The following ZNF143 variants were observed in gnomAD, a reference collection of about 807,000 sequenced individuals.
ZNF143 encodes zinc finger protein 143.
A neutral mutation model predicts 74.1 loss-of-function variants in ZNF143; 49 were observed. That is an observed-to-expected ratio of 0.66 (90% CI 0.53 to 0.84). ZNF143 has a LOEUF of 0.84. ZNF143 is among the 40% of genes least tolerant of loss of function. The pLI, the probability that ZNF143 is intolerant of heterozygous loss-of-function variation, is 0.00. For synonymous variants in ZNF143, 304 were observed against 282.8 expected (o/e 1.07, Z -0.75); for missense variants, 637 against 793.4 (o/e 0.80, Z 2.37).
chr11:9,477,819 T>G (rs1389121173), intron 5 of ZNF143, among the ~76,000 whole-genome samples: 1 of 152,064 alleles, frequency 6.6e-6, no homozygotes, highest in African/African-American at 2.4e-5. Context: ...TTTCTTTGTT[T>G]GTTTTTGTTT....
intron 14 of ZNF143, among the ~76,000 whole-genome samples, chr11:9,516,627 G>A (rs1005362663): frequency 6.6e-6 from 1 of 152,156 alleles, no homozygotes; most frequent in African/African-American, 2.4e-5. Flanking sequence ...TAAGTGTTCA[G>A]TAGTGGTAGC....
intron 7 of ZNF143, among the ~76,000 whole-genome samples, chr11:9,494,123 G>C (rs1847877901): frequency 6.6e-6 from 1 of 152,126 alleles, no homozygotes; most frequent in Non-Finnish European, 1.5e-5. Context: ...GTATTTCTGT[G>C]ACTGTCCTTT....
intron 7 of ZNF143, among the ~76,000 whole-genome samples, chr11:9,489,111 G>C (rs1847672963): frequency 6.6e-6 from 1 of 152,092 alleles, no homozygotes; most frequent in South Asian, 2.1e-4. Flanking sequence ...TGCTATTTTT[G>C]TAGTTTTCTT....
intron 7 of ZNF143, among the ~76,000 whole-genome samples, chr11:9,492,105 A>ATTTTTTTTT (rs34432476): frequency 1.0e-5 from 1 of 100,238 alleles, no homozygotes; most frequent in Non-Finnish European, 1.9e-5. Flanking sequence ...CACCTGGCTA[A>ATTTTTTTTT]TTTTTTTTTT....
At chr11:9,522,044 C>T (rs1278579338) in intron 14 of ZNF143, among the ~76,000 whole-genome samples, 3 of 129,604 alleles carry the variant, frequency 2.3e-5, no homozygotes, top group South Asian at 4.7e-4. Context: ...ACAGCCTGGG[C>T]GACAGAGGGA....
intron 1 of ZNF143, among the ~76,000 whole-genome samples, chr11:9,469,543 A>G (rs1314035019): frequency 1.3e-5 from 2 of 151,632 alleles, no homozygotes; most frequent in East Asian, 3.9e-4. Flanking sequence ...ACAGGTCTTA[A>G]CAGTAGGGTA....
chr11:9,494,433 A>G (rs1443231366), intron 7 of ZNF143, among the ~76,000 whole-genome samples: 2 of 151,956 alleles, frequency 1.3e-5, no homozygotes, highest in East Asian at 3.9e-4. Flanking sequence ...CAGCTTCCCA[A>G]GTACCTGGGA....
chr11:9,509,571 A>C (rs1848470119), intron 12 of ZNF143, among the ~76,000 whole-genome samples: 5 of 152,372 alleles, frequency 3.3e-5, no homozygotes. Flanking sequence ...AGTACCTCCT[A>C]AATGAAGTAA....
At position 9,461,445 on chromosome 11, in the gene ZNF143, G is replaced by C. The variant is rs370097910; in HGVS notation, c.-8+369G>C. Among the ~76,000 whole-genome samples the C allele has an allele frequency of 2.0e-4, 31 of 152,262 alleles. No homozygotes were observed. The East Asian group carries it at 3.1e-3, about 15-fold the overall frequency. On this transcript the variant is annotated intron_variant, in intron 1 of 15. Coordinates refer to ENST00000396602, the MANE Select transcript of ZNF143 (RefSeq NM_003442.6). ...CCGCGTTTCTCGGCCTGACCTCCGC[G>C]CAGAGCGAGTCCCCAGGCGCCGCCG...
Position 9,486,439 on chromosome 11 carries a change from AATATAT to A in ZNF143, c.645+6894_645+6899del, listed in dbSNP as rs1399889241. Among the ~76,000 whole-genome samples, 25 of 23,134 alleles carry A rather than the reference AATATAT, an allele frequency of 1.1e-3. 1 individual carries two copies. The highest frequency in any genetic ancestry group is 2.1e-3 in the Non-Finnish European group (25 of 12,140). The allele number at this position is 23,134 out of a possible 152,430, so 15.2% of individuals were successfully genotyped here. ...TATATATTATATATATTATATATAT[AATATAT>A]TATATATATTATATATATATAAAAG... is the stretch of plus-strand genomic sequence containing the variant. On this transcript the variant is annotated intron_variant, in intron 7 of 15. Coordinates refer to ENST00000396602, the MANE Select transcript of ZNF143 (RefSeq NM_003442.6).
chr11:9,494,623 G>A (rs2134046609), intron 7 of ZNF143, 23 bp from the exon 8 acceptor site: 1 of 1,608,746 alleles, frequency 6.2e-7, no homozygotes, highest in South Asian at 1.1e-5. Context: ...AGTAATTTAA[G>A]TAATACTATT....
chr11:9,485,348 T>C (rs1419323943), intron 7 of ZNF143, among the ~76,000 whole-genome samples: 1 of 85,548 alleles, frequency 1.2e-5, no homozygotes, highest in Admixed American at 1.1e-4. Context: ...TCTCTCTCTC[T>C]TTTTTTTTTT....
At position 9,525,247 on chromosome 11, in the gene ZNF143, T is replaced by C; in HGVS notation, c.1694T>C (p.Ile565Thr). ...AEGTEGEQVA[I>T]VAQDLAAFHT... ...TGTTTTGTTTTGCTTAAGGTTGCAA[T>C]TGTAGCTCAAGACTTGGCAGCATTC... The change falls in exon 15 of 16, where the codon ATT becomes ACT. Residue 565 changes from isoleucine to threonine, a missense_variant. By Grantham distance (89) the Ile-to-Thr change is moderately conservative. Around this residue, in one of 2 missense-constraint regions of ZNF143, gnomAD observed 344 missense variants for 485.6 expected, o/e 0.71. Transcript: ENST00000396602. 1 of 1,614,190 alleles carries C rather than the reference T, an allele frequency of 6.2e-7. No homozygotes were observed. The highest frequency in any genetic ancestry group is 1.1e-5 in the South Asian group (1 of 91,078).
intron 7 of ZNF143, among the ~76,000 whole-genome samples, chr11:9,491,890 A>C (rs750857685): frequency 6.6e-6 from 1 of 152,138 alleles, no homozygotes. Flanking sequence ...TTGGCCTCCA[A>C]AAGTGCTGGG....
At chr11:9,527,010 A>C (rs540622312) in intron 15 of ZNF143, among the ~76,000 whole-genome samples, 2 of 151,894 alleles carry the variant, frequency 1.3e-5, no homozygotes, top group Non-Finnish European at 2.9e-5. Context: ...TGTATTTTTT[A>C]GTAGAAATGA....
intron 7 of ZNF143, among the ~76,000 whole-genome samples, chr11:9,489,929 C>G (rs951594410): frequency 6.6e-6 from 1 of 152,122 alleles, no homozygotes; most frequent in African/African-American, 2.4e-5. Context: ...ACCTGTAATC[C>G]AAACACTTTG....
chr11:9,519,834 C>G (rs1256819738), intron 14 of ZNF143, among the ~76,000 whole-genome samples: 2 of 152,038 alleles, frequency 1.3e-5, no homozygotes, highest in Non-Finnish European at 2.9e-5. Context: ...TCATACACTC[C>G]CACTAGCAAT....
rs527548997 is a variant in ZNF143 at position 9,465,504 on chromosome 11, T to G, written c.-8+4428T>G. Among the ~76,000 whole-genome samples, 22 of 150,000 alleles carry G rather than the reference T, an allele frequency of 1.5e-4. No individual in the cohort carries two copies. In the South Asian group the frequency reaches 4.4e-3, roughly 30 times the overall value. On this transcript the variant is annotated intron_variant, in intron 1 of 15. Transcript: ENST00000396602. ...TGGCTGGTACTTTTATTTATTTATT[T>G]ATTTATTTTTTCTGAAATGGAGTCT...
chr11:9,499,300 G>T (rs1166152418), intron 10 of ZNF143, among the ~76,000 whole-genome samples: 1 of 152,054 alleles, frequency 6.6e-6, no homozygotes, highest in African/African-American at 2.4e-5. Flanking sequence ...AATTATCCTA[G>T]AACAGTTGAT....
Sources: gnomAD v4.1 joint callset for allele counts (sites outside exome capture counted in the v4.1 genomes callset) on GRCh38, gnomAD v4.1.1 for gene constraint, gnomAD v4.1.1 regional missense constraint, MANE v1.5 for transcripts, NCBI Gene and HGNC (gene_info 2026-07-23, HGNC 2026-07-21) for gene names.